The following OLFML2B variants were observed in gnomAD, a reference collection of about 807,000 sequenced individuals.
OLFML2B encodes the protein olfactomedin-like protein 2B.
In OLFML2B, 57 loss-of-function variants were observed where a neutral mutation model predicts 74.9. That is an observed-to-expected ratio of 0.76 (90% CI 0.61 to 0.95). OLFML2B has a LOEUF of 0.95. Ranked by LOEUF, OLFML2B falls within the 40% of genes least tolerant of loss-of-function variation. OLFML2B has a pLI of 0.00. For missense variants in OLFML2B, 986 were observed against 970.6 expected (o/e 1.02, Z -0.21); for synonymous variants, 388 against 405.8 (o/e 0.96, Z 0.53).
chr1:162,006,317 C>T lies in OLFML2B; in HGVS notation c.703G>A (p.Ala235Thr). The T allele has an allele frequency of 6.3e-7, 1 of 1,598,634 alleles. No individual in the cohort carries two copies. The highest frequency in any genetic ancestry group is 1.1e-5 in the South Asian group (1 of 88,502). ...TATACCTCTGGGTGGGCGTAGGCTG[C>T]TGCTGCATCCCTCTGCAGGGCTGAG... ...IRSALQRDAA[A>T]AYAHPEYEER... is the part of the protein sequence containing the mutation. The change falls in exon 4 of 8, where the codon GCA becomes ACA. Residue 235 changes from alanine (A) to threonine (T), a missense_variant. By Grantham distance (58) the Ala-to-Thr change is moderately conservative. Coordinates refer to ENST00000294794, the MANE Select transcript of OLFML2B (RefSeq NM_015441.3).
chr1:161,991,931 G>A (rs1011434467), intron 6 of OLFML2B, among the ~76,000 whole-genome samples: 2 of 152,188 alleles, frequency 1.3e-5, no homozygotes, highest in African/African-American at 4.8e-5. Context: ...TTGATTTAAA[G>A]TCACCAGCTG....
At position 161,999,224 on chromosome 1, in the gene OLFML2B, A is replaced by G. The variant is rs1205743372; in HGVS notation, c.950-875T>C. On this transcript the variant is annotated intron_variant, in intron 5 of 7. Transcript: ENST00000294794. ...AAGAGCTCTAACCACAAAAGAAATA[A>G]TTGGTAAAGTAGACTTCATGTGCTC... 8.5e-4 allele frequency among the ~76,000 whole-genome samples: 130 copies of G among 152,364 alleles called. 1 individual carries two copies. The highest frequency in any genetic ancestry group is 4.4e-5 in the Non-Finnish European group (3 of 68,034).
At chr1:162,006,913 T>A (rs1312361615) in intron 3 of OLFML2B, among the ~76,000 whole-genome samples, 1 of 151,894 alleles carries the variant, frequency 6.6e-6, no homozygotes, top group African/African-American at 2.4e-5. Context: ...TTGGAAGAGG[T>A]GGCCAAACAA....
intron 6 of OLFML2B, among the ~76,000 whole-genome samples, chr1:161,988,475 G>T (rs945805668): frequency 6.6e-6 from 1 of 151,992 alleles, no homozygotes; most frequent in Non-Finnish European, 1.5e-5. Context: ...CTGCCCCTTG[G>T]GGTGTTCTCC....
At position 161,996,396 on chromosome 1, in the gene OLFML2B, A is replaced by G. The variant is rs368946005; in HGVS notation, c.1474+1429T>C. ...TTTGGCCAAAGTCACACAGCTATCAATGGCAGAGAGCAGTGTCTGACTCCT... is the reference window on the plus strand; with the variant it reads ...TTTGGCCAAAGTCACACAGCTATCAGTGGCAGAGAGCAGTGTCTGACTCCT... On this transcript the variant is annotated intron_variant, in intron 6 of 7. Transcript: ENST00000294794. 5.3e-5 allele frequency among the ~76,000 whole-genome samples: 8 copies of G among 152,318 alleles called. No individual in the cohort carries two copies. The South Asian group carries it at 1.7e-3, about 32-fold the overall frequency.
Position 162,020,004 on chromosome 1 carries a change from C to G in OLFML2B, c.353G>C (p.Cys118Ser). The G allele has an allele frequency of 6.2e-7, 1 of 1,614,222 alleles. No homozygotes were observed. Among genetic ancestry groups the G allele is most frequent in the South Asian group, 1.1e-5 (1 of 91,088 alleles). The change falls in exon 2 of 8, where the codon TGT becomes TCT. Residue 118 changes from cysteine (C) to serine (S), a missense_variant. Coordinates refer to ENST00000294794, the MANE Select transcript of OLFML2B (RefSeq NM_015441.3). ...ITSGSSCKCA[C>S]VAPPSALNPC... ...ATTGAGGGCCGATGGGGGTGCTACA[C>G]AGGCACACTTGCACGACGAGCCTGA...
At chr1:161,999,812 C>A (rs900486002) in intron 5 of OLFML2B, among the ~76,000 whole-genome samples, 3 of 152,164 alleles carry the variant, frequency 2.0e-5, no homozygotes, top group Non-Finnish European at 2.9e-5. Flanking sequence ...TCTCCCCAAA[C>A]CTCAGTTTTC....
chr1:161,992,342 CTG>C (rs1173866662), intron 6 of OLFML2B, among the ~76,000 whole-genome samples: 1 of 152,260 alleles, frequency 6.6e-6, no homozygotes, highest in African/African-American at 2.4e-5. Flanking sequence ...CGTGGTTGGA[CTG>C]TCTTTTTATC....
At position 162,006,949 on chromosome 1, in the gene OLFML2B, C is replaced by CAAA. The variant is rs1341366779; in HGVS notation, c.547-479_547-477dup. ...ACAAAACAAACAACAACAACAACAA[C>CAAA]AAAAAACTACTCTGCCTTTTTAGTG... On this transcript the variant is annotated intron_variant, in intron 3 of 7. Transcript: ENST00000294794. 2.0e-5 allele frequency among the ~76,000 whole-genome samples: 3 copies of CAAA among 151,912 alleles called. No homozygotes were observed. In the South Asian group the frequency reaches 6.2e-4, roughly 32 times the overall value.
chr1:162,019,124 T>C (rs1191853824), intron 2 of OLFML2B, among the ~76,000 whole-genome samples: 1 of 152,254 alleles, frequency 6.6e-6, no homozygotes, highest in African/African-American at 2.4e-5. Flanking sequence ...GAGTGCCAGA[T>C]GCCAGCAGCG....
rs189641777 is a variant in OLFML2B, at chr1:161,983,966, C to T, written c.1962G>A (p.Ala654=). The stretch of plus-strand genomic sequence containing the variant: ...TGGTCTCCTTCTGTGTGCTCAGGTC[C>T]GCGGCATTGAGCTTGCTCAGGACAA... The part of the protein sequence containing the change: ...EVIVLSKLNA[A]DLSTQKETTW... The change falls in exon 8 of 8, where the codon GCG becomes GCA. Residue 654 remains alanine (A), a synonymous_variant. Transcript: ENST00000294794. The T allele has an allele frequency of 4.6e-5, 75 of 1,614,186 alleles. 1 individual carries two copies. The East Asian group carries it at 6.0e-4, about 13-fold the overall frequency.
chr1:161,994,744 T>A (rs1000244329), intron 6 of OLFML2B, among the ~76,000 whole-genome samples: 6 of 152,094 alleles, frequency 3.9e-5, no homozygotes, highest in African/African-American at 1.4e-4. Context: ...GGCCAAATGT[T>A]TCGTTTGCAC....
At chr1:162,008,949 C>T (rs75335200) in intron 3 of OLFML2B, among the ~76,000 whole-genome samples, 1,886 of 152,276 alleles carry the variant, frequency 0.012, 29 homozygotes, top group Middle Eastern at 0.054. Context: ...CTGAGAGCAA[C>T]ACCTGTGGAT....
In OLFML2B at chr1:162,006,255, C is replaced by T. The variant is rs765444257; in HGVS notation, c.723+42G>A. 2.0e-6 allele frequency: 3 copies of T among 1,505,956 alleles called. No individual in the cohort carries two copies. In the Admixed American group the frequency reaches 7.2e-5, roughly 36 times the overall value. 93.3% of individuals were successfully genotyped at this position (1,505,956 alleles called of 1,614,324 possible). On this transcript the variant is annotated intron_variant, in intron 4 of 7. Transcript: ENST00000294794. ...GAGGAGAGATGCTGATATCACACTT[C>T]CAGGGCTTGTGATCAGAGGCCCTTG... is the stretch of plus-strand genomic sequence containing the variant.
At chr1:162,017,548 A>T (rs1410768440) in intron 2 of OLFML2B, 41 bp from the exon 3 acceptor site, 1 of 1,457,824 alleles carries the variant, frequency 6.9e-7, no homozygotes, top group Non-Finnish European at 9.5e-7. Flanking sequence ...GCTGGGGCAC[A>T]CAGACACAGG....
At position 162,023,401 on chromosome 1, in the gene OLFML2B, G is replaced by A. The variant is rs532520551; in HGVS notation, c.30C>T (p.Tyr10=). 57 of 1,587,652 alleles carry A rather than the reference G, an allele frequency of 3.6e-5. No individual in the cohort carries two copies. In the South Asian group the frequency reaches 6.3e-4, roughly 18 times the overall value. ...AGGCCGGAACCACAATCAGAGCGAAGTAGAGAACTAGCAGCCGAGGCTTGG... is the reference window on the plus strand; with the variant it reads ...AGGCCGGAACCACAATCAGAGCGAAATAGAGAACTAGCAGCCGAGGCTTGG... The part of the protein sequence containing the change: MAKPRLLVL[Y]FALIVVPAWV... Residue 10 remains tyrosine, a synonymous_variant, in exon 1 of 8, where the codon TAC becomes TAT. Transcript: ENST00000294794.
chr1:161,999,603 G>A (rs1415265983), intron 5 of OLFML2B, among the ~76,000 whole-genome samples: 2 of 152,142 alleles, frequency 1.3e-5, no homozygotes, highest in African/African-American at 2.4e-5. Context: ...AGGAGGAGGC[G>A]AGGAGGAGCA....
intron 4 of OLFML2B, among the ~76,000 whole-genome samples, chr1:162,001,271 T>C (rs1196437621): frequency 6.6e-6 from 1 of 152,232 alleles, no homozygotes; most frequent in Non-Finnish European, 1.5e-5. Flanking sequence ...CCTGCCCTCT[T>C]GTTCCTTACT....
chr1:161,985,105 G>A (rs1689555607), intron 6 of OLFML2B, 125 bp from the exon 7 acceptor site: 2 of 907,496 alleles, frequency 2.2e-6, no homozygotes, highest in Non-Finnish European at 3.2e-6. Context: ...TGTATAACCT[G>A]ACCCCAAACA....
Sources: allele counts gnomAD v4.1 joint callset (sites outside exome capture counted in the v4.1 genomes callset), GRCh38; gene constraint gnomAD v4.1.1; transcripts MANE v1.5; gene names NCBI Gene and HGNC (gene_info 2026-07-23, HGNC 2026-07-21).